Variants in WWP2 observed in about 807,000 individuals in gnomAD.
WWP2 encodes WW domain containing E3 ubiquitin protein ligase 2, also known as NEDD4-like E3 ubiquitin-protein ligase WWP2.
Under a neutral mutation model 121.0 loss-of-function variants are expected in WWP2, and 57 were observed. The observed-to-expected ratio is 0.47, with a 90% CI of 0.38 to 0.59. The LOEUF is 0.59. WWP2 is among the 20% of genes least tolerant of loss of function. The pLI is 0.00. For synonymous variants in WWP2, 449 were observed against 441.3 expected (o/e 1.02, Z -0.22); for missense variants, 962 against 1,158.9 (o/e 0.83, Z 2.47).
At position 69,939,077 on chromosome 16, in the gene WWP2, C is replaced by G. The variant is rs2152002143; in HGVS notation, c.2394C>G (p.Val798=). 1 of 1,607,342 alleles carries G rather than the reference C, an allele frequency of 6.2e-7. No homozygotes were observed. The highest frequency in any genetic ancestry group is 8.5e-7 in the Non-Finnish European group (1 of 1,176,574). Residue 798 remains valine (V), a synonymous_variant, in exon 22 of 24, where the codon GTC becomes GTG. Coordinates refer to ENST00000359154, the MANE Select transcript of WWP2 (RefSeq NM_001270454.2). ...NEKRIRLLQF[V]TGTCRLPVGG... Reference sequence around the variant, plus strand: ...AGAGGATCCGGCTGCTGCAGTTTGTCACCGGTACCTGCCGCCTGCCCGTCG... The same window carrying G: ...AGAGGATCCGGCTGCTGCAGTTTGTGACCGGTACCTGCCGCCTGCCCGTCG...
At chr16:69,817,659 CTTTTTTTTTTTT>C (rs200998762) in intron 4 of WWP2, among the ~76,000 whole-genome samples, 51,764 of 120,154 alleles carry the variant, frequency 0.43, 10,000 homozygotes, top group Admixed American at 0.52. Flanking sequence ...TTGTTAAACT[CTTTTTTTTTTTT>C]TTTTTTTTTT....
intron 4 of WWP2, among the ~76,000 whole-genome samples, chr16:69,832,329 C>T (rs2056808401): frequency 9.8e-6 from 1 of 102,308 alleles, no homozygotes; most frequent in South Asian, 3.5e-4. Flanking sequence ...CCCACCCCTG[C>T]TGGATTAATT....
chr16:69,894,304 C>T (rs1373193308), intron 8 of WWP2, among the ~76,000 whole-genome samples: 3 of 149,864 alleles, frequency 2.0e-5, no homozygotes, highest in Non-Finnish European at 3.0e-5. Flanking sequence ...GGATCTCAAA[C>T]TCCTGGGCTC....
intron 4 of WWP2, among the ~76,000 whole-genome samples, chr16:69,804,387 G>T (rs1397429624): frequency 6.6e-6 from 1 of 152,102 alleles, no homozygotes; most frequent in Non-Finnish European, 1.5e-5. Flanking sequence ...TACAAATAGG[G>T]ATCTAATTCA....
chr16:69,821,324 C>G (rs2056588320), intron 4 of WWP2, among the ~76,000 whole-genome samples: 1 of 152,224 alleles, frequency 6.6e-6, no homozygotes, highest in African/African-American at 2.4e-5. Context: ...CAGCTGAGAG[C>G]TGTTGGAAAG....
rs114769086 is a variant in WWP2, at chr16:69,938,601, G to A, written c.2344-426G>A. Among the ~76,000 whole-genome samples, 1,212 of 152,258 alleles carry A rather than the reference G, an allele frequency of 8.0e-3. 25 individuals carry two copies. The highest frequency in any genetic ancestry group is 0.027 in the African/African-American group (1,140 of 41,556). On this transcript the variant is annotated intron_variant, in intron 21 of 23. Transcript: ENST00000359154. ...CCACTGCTCTGCAGTGAGCTGGACC[G>A]TGCCACTGCACTCCAGCCTGGGCGA...
chr16:69,870,235 T>A (rs1466863), intron 6 of WWP2, among the ~76,000 whole-genome samples: 79,664 of 151,646 alleles, frequency 0.53, 21,535 homozygotes, highest in East Asian at 0.9. Context: ...TGGAACATAA[T>A]GTTAGAGTTC....
At chr16:69,864,347 G>A (rs2057480183) in intron 6 of WWP2, among the ~76,000 whole-genome samples, 1 of 152,122 alleles carries the variant, frequency 6.6e-6, no homozygotes, top group African/African-American at 2.4e-5. Context: ...GGGTGACAGA[G>A]TGAGACCCTG....
intron 4 of WWP2, among the ~76,000 whole-genome samples, chr16:69,808,621 T>C (rs1305236250): frequency 6.6e-6 from 1 of 152,204 alleles, no homozygotes; most frequent in Non-Finnish European, 1.5e-5. Context: ...AGGCTGGTCT[T>C]GAACTCCTGA....
intron 4 of WWP2, among the ~76,000 whole-genome samples, chr16:69,812,476 C>CTT (rs1555548739): frequency 1.4e-4 from 18 of 125,858 alleles, no homozygotes; most frequent in African/African-American, 4.3e-4. Context: ...CAACCCCCCC[C>CTT]CTTTTTTTTT....
intron 6 of WWP2, among the ~76,000 whole-genome samples, chr16:69,854,336 G>A (rs897221264): frequency 6.6e-6 from 1 of 152,200 alleles, no homozygotes; most frequent in African/African-American, 2.4e-5. Flanking sequence ...TTCAGCCATG[G>A]TGTTTGTGGC....
chr16:69,792,910 C>T (rs915435059), intron 2 of WWP2, among the ~76,000 whole-genome samples: 2 of 152,096 alleles, frequency 1.3e-5, no homozygotes, highest in African/African-American at 4.8e-5. Context: ...AGGCTTGTCT[C>T]GAACTCCTGG....
At chr16:69,928,754 A>G (rs968526572) in intron 11 of WWP2, among the ~76,000 whole-genome samples, 1 of 152,224 alleles carries the variant, frequency 6.6e-6, no homozygotes, top group Non-Finnish European at 1.5e-5. Context: ...TATATAAAAA[A>G]GAAAAAAAAG....
chr16:69,871,435 G>A (rs1251039496), intron 6 of WWP2, among the ~76,000 whole-genome samples: 1 of 152,158 alleles, frequency 6.6e-6, no homozygotes, highest in Admixed American at 6.5e-5. Context: ...GCCTAATGGG[G>A]GAAATATTTC....
At chr16:69,771,113 C>T (rs2055404673) in intron 1 of WWP2, among the ~76,000 whole-genome samples, 1 of 152,062 alleles carries the variant, frequency 6.6e-6, no homozygotes, top group Non-Finnish European at 1.5e-5. Context: ...TTATTAGCCT[C>T]CAGAAGATTG....
chr16:69,904,632 A>G (rs1460880287), intron 8 of WWP2, among the ~76,000 whole-genome samples: 1 of 152,050 alleles, frequency 6.6e-6, no homozygotes, highest in Admixed American at 6.6e-5. Context: ...TAGCCTCCCA[A>G]AGTTCTGGTA....
At chr16:69,939,690 C>A in intron 23 of WWP2, 151 bp from the exon 24 acceptor site, 1 of 745,548 alleles carries the variant, frequency 1.3e-6, no homozygotes, top group Non-Finnish European at 2.1e-6. Context: ...CCCCATGGTC[C>A]AGGCACCTGC....
intron 6 of WWP2, among the ~76,000 whole-genome samples, chr16:69,856,633 G>T (rs761299618): frequency 4.6e-4 from 70 of 152,062 alleles, no homozygotes; most frequent in Non-Finnish European, 5.6e-4. Flanking sequence ...AATTAGCTGG[G>T]TGTGGTGGCA....
At chr16:69,837,212 A>C (rs1428375990) in intron 4 of WWP2, among the ~76,000 whole-genome samples, 1 of 152,216 alleles carries the variant, frequency 6.6e-6, no homozygotes, top group Non-Finnish European at 1.5e-5. Context: ...GGCATGAGCC[A>C]CTGAGCCTGG....
Sources: allele counts gnomAD v4.1 joint callset (sites outside exome capture counted in the v4.1 genomes callset), GRCh38; gene constraint gnomAD v4.1.1; transcripts MANE v1.5; gene names NCBI Gene and HGNC (gene_info 2026-07-23, HGNC 2026-07-21).